Variants in SIK2 observed in about 807,000 individuals in gnomAD.
SIK2 encodes the protein serine/threonine-protein kinase SIK2.
A neutral mutation model predicts 103.2 loss-of-function variants in SIK2; 29 were observed. The observed-to-expected ratio is 0.28, with a 90% confidence interval of 0.21 to 0.38. SIK2 has a LOEUF of 0.38. Among genes scored for constraint, SIK2 ranks in the 10% least tolerant of loss-of-function variants. The probability of loss-of-function intolerance (pLI) is 1.00; values close to 1 mark genes in which losing one functional copy is unlikely to be tolerated. For missense variants in SIK2, 879 were observed against 1,171.0 expected (o/e 0.75, Z 3.64); for synonymous variants, 412 against 446.1 (o/e 0.92, Z 0.96).
At chr11:111,606,104 GTTTAT>G (rs1473797443) in intron 1 of SIK2, among the ~76,000 whole-genome samples, 5 of 152,090 alleles carry the variant, frequency 3.3e-5, no homozygotes, top group Admixed American at 3.3e-4. Context: ...TCCTTGAGTA[GTTTAT>G]TTTATCAATA....
At chr11:111,631,309 A>G (rs1942034447) in intron 3 of SIK2, among the ~76,000 whole-genome samples, 1 of 152,212 alleles carries the variant, frequency 6.6e-6, no homozygotes, top group Non-Finnish European at 1.5e-5. Flanking sequence ...TAGAACAGCT[A>G]GCAGTGCTCA....
Position 111,674,564 on chromosome 11 carries a change from A to G in SIK2, c.317-13437A>G, listed in dbSNP as rs142531072. On this transcript the variant is annotated intron_variant, in intron 3 of 14. Coordinates refer to ENST00000304987, the MANE Select transcript of SIK2 (RefSeq NM_015191.3). ...GCCAATCAGGTTGGTCTTAATATCT[A>G]AAGATGTCATCCAGATGTGTAAAAA... is the stretch of plus-strand genomic sequence containing the variant. Among the ~76,000 whole-genome samples the G allele has an allele frequency of 2.8e-3, 429 of 152,342 alleles. 2 individuals carry two copies. Among genetic ancestry groups the G allele is most frequent in the African/African-American group, 9.8e-3 (407 of 41,570 alleles).
chr11:111,665,104 C>G (rs1162018575), intron 3 of SIK2, among the ~76,000 whole-genome samples: 1 of 151,986 alleles, frequency 6.6e-6, no homozygotes, highest in Non-Finnish European at 1.5e-5. Context: ...GATCCAGATG[C>G]TGTAGGAATT....
At chr11:111,637,420 AT>A (rs1942123242) in intron 3 of SIK2, among the ~76,000 whole-genome samples, 1 of 151,318 alleles carries the variant, frequency 6.6e-6, no homozygotes, top group Non-Finnish European at 1.5e-5. Context: ...GTGCCATGGA[AT>A]AACACCCTTA....
chr11:111,648,206 A>G (rs1174878897), intron 3 of SIK2, among the ~76,000 whole-genome samples: 1 of 152,186 alleles, frequency 6.6e-6, no homozygotes, highest in East Asian at 1.9e-4. Context: ...GTTTTTAAAT[A>G]TATTATTACT....
chr11:111,717,110 C>T (rs527427365), intron 9 of SIK2, among the ~76,000 whole-genome samples: 1 of 151,622 alleles, frequency 6.6e-6, no homozygotes, highest in African/African-American at 2.4e-5. Context: ...GTCAGGAGAT[C>T]GAGACCATCC....
intron 3 of SIK2, among the ~76,000 whole-genome samples, chr11:111,664,387 G>A (rs950846523): frequency 3.3e-5 from 5 of 152,070 alleles, no homozygotes; most frequent in African/African-American, 7.2e-5. Flanking sequence ...AGGCCGAGGC[G>A]GGCGGACCAC....
chr11:111,727,112 TCCCGGTGACACTGACCGTC>T lies in SIK2; in HGVS notation c.*2987_*3005del. 6.7e-7 allele frequency: 1 copy of T among 1,488,326 alleles called. No homozygotes were observed. The highest frequency in any genetic ancestry group is 9.4e-7 in the Non-Finnish European group (1 of 1,068,210). 92.2% of individuals were successfully genotyped at this position (1,488,326 alleles called of 1,614,324 possible). A position where few individuals can be genotyped will look rare whatever the true frequency, so the allele number is the denominator to read the frequency against. ...AGGAAGAGGGGGCCCACTTTCACAT[TCCCGGTGACACTGACCGTC>T]CCCAGCTGCCCCCTCGCCACCTCTG... On this transcript the variant is annotated 3_prime_UTR_variant, in exon 15 of 15. Transcript: ENST00000304987.
intron 8 of SIK2, among the ~76,000 whole-genome samples, chr11:111,708,745 A>G (rs995868019): frequency 6.6e-6 from 1 of 151,978 alleles, no homozygotes; most frequent in Non-Finnish European, 1.5e-5. Context: ...CACCACGCCC[A>G]GCTAATTATT....
At chr11:111,617,441 G>A (rs1433931760) in intron 2 of SIK2, among the ~76,000 whole-genome samples, 1 of 152,198 alleles carries the variant, frequency 6.6e-6, no homozygotes, top group Non-Finnish European at 1.5e-5. Context: ...AGAGTGTGAT[G>A]TGTATGCCCA....
At position 111,720,673 on chromosome 11, in the gene SIK2, C is replaced by A; in HGVS notation, c.1691C>A (p.Ala564Asp). Reference sequence around the variant, plus strand: ...AGACCTACCAACCCAGCCATGCAGGCTCTGAGCTCCCAGAAACGAGAGGTC... The same window carrying A: ...AGACCTACCAACCCAGCCATGCAGGATCTGAGCTCCCAGAAACGAGAGGTC... ...SLRPTNPAMQ[A>D]LSSQKREVHN... Residue 564 changes from alanine (A) to aspartate (D), a missense_variant, in exon 11 of 15, where the codon GCT becomes GAT. By Grantham distance (126) the Ala-to-Asp change is moderately radical (BLOSUM62 -2). Around this residue, in one of 7 missense-constraint regions of SIK2, gnomAD observed 222 missense variants for 258.0 expected, o/e 0.86. Transcript: ENST00000304987. 1 of 1,614,058 alleles carries A rather than the reference C, an allele frequency of 6.2e-7. No individual in the cohort carries two copies. Among genetic ancestry groups the A allele is most frequent in the Non-Finnish European group, 8.5e-7 (1 of 1,179,982 alleles).
chr11:111,721,779 C>A (rs762087060), intron 12 of SIK2, 51 bp from the exon 13 acceptor site: 4 of 1,430,816 alleles, frequency 2.8e-6, no homozygotes, highest in South Asian at 1.3e-5. Flanking sequence ...AGAACTGAGA[C>A]GTTTTTCCCC....
At chr11:111,656,146 C>T (rs140386991) in intron 3 of SIK2, among the ~76,000 whole-genome samples, 118 of 151,976 alleles carry the variant, frequency 7.8e-4, no homozygotes, top group African/African-American at 2.5e-3. Context: ...GCCAAGATTG[C>T]GCCACTGCAC....
chr11:111,715,592 CCTTT>C (rs1462746046), intron 9 of SIK2, among the ~76,000 whole-genome samples: 2 of 152,030 alleles, frequency 1.3e-5, no homozygotes, highest in Non-Finnish European at 2.9e-5. Context: ...AAAAATATTG[CCTTT>C]CTGAGATAGT....
rs548458264 is a variant in SIK2 at position 111,659,220 on chromosome 11, T to C, written c.317-28781T>C. ...TTGTCGGTGCCTTTTAATTTTGCAA[T>C]TTTACTGTTATTGGAGACATTTTTT... On this transcript the variant is annotated intron_variant, in intron 3 of 14. Coordinates refer to ENST00000304987, the MANE Select transcript of SIK2 (RefSeq NM_015191.3). 2.6e-5 allele frequency among the ~76,000 whole-genome samples: 4 copies of C among 152,332 alleles called. No individual in the cohort carries two copies. The East Asian group carries it at 7.7e-4, about 29-fold the overall frequency.
At chr11:111,648,281 T>G (rs1306092317) in intron 3 of SIK2, among the ~76,000 whole-genome samples, 1 of 97,430 alleles carries the variant, frequency 1.0e-5, no homozygotes, top group Non-Finnish European at 2.8e-5. Context: ...ACAAAATACC[T>G]TAAACTGGGT....
At chr11:111,643,576 C>T (rs567040850) in intron 3 of SIK2, among the ~76,000 whole-genome samples, 8 of 152,016 alleles carry the variant, frequency 5.3e-5, no homozygotes, top group African/African-American at 1.4e-4. Context: ...TTTGGGAGGC[C>T]GAGACTGGCA....
chr11:111,647,562 G>GA lies in SIK2; in HGVS notation c.316+27180dup, dbSNP rs11307756. Among the ~76,000 whole-genome samples, 147 of 62,900 alleles carry GA rather than the reference G, an allele frequency of 2.3e-3. 1 individual carries two copies. The highest frequency in any genetic ancestry group is 7.3e-3 in the African/African-American group (128 of 17,440). The allele number at this position is 62,900 out of a possible 152,430, so 41.3% of individuals were successfully genotyped here. A position where few individuals can be genotyped will look rare whatever the true frequency, so the allele number is the denominator to read the frequency against. On this transcript the variant is annotated intron_variant, in intron 3 of 14. Transcript: ENST00000304987. ...GGTGGCAGAGGGAGACCCCCATCTC[G>GA]AAAAAAAAAAAAAAAAAAAAGGCTG...
At chr11:111,624,150 ATTAAT>A (rs1297921248) in intron 3 of SIK2, among the ~76,000 whole-genome samples, 3 of 152,228 alleles carry the variant, frequency 2.0e-5, no homozygotes, top group Non-Finnish European at 4.4e-5. Flanking sequence ...CAAATGTGTT[ATTAAT>A]TTAAGGTATT....
Sources: gnomAD v4.1 joint callset for allele counts (sites outside exome capture counted in the v4.1 genomes callset) on GRCh38, gnomAD v4.1.1 for gene constraint, gnomAD v4.1.1 regional missense constraint, MANE v1.5 for transcripts, NCBI Gene and HGNC (gene_info 2026-07-23, HGNC 2026-07-21) for gene names.